SPICE1: variants seen among roughly 807,000 people sequenced by gnomAD.
SPICE1 encodes spindle and centriole associated protein 1.
Under a neutral mutation model 102.7 loss-of-function variants are expected in SPICE1, and 75 were observed. The observed-to-expected ratio is 0.73, with a 90% CI of 0.61 to 0.88. The LOEUF (loss-of-function observed/expected upper bound fraction) is 0.88, where lower values mean the gene tolerates loss of function less well. SPICE1 is among the 40% of genes least tolerant of loss of function. SPICE1 has a pLI of 0.00. For missense variants in SPICE1, 979 were observed against 1,020.1 expected (o/e 0.96, Z 0.55); for synonymous variants, 308 against 350.3 (o/e 0.88, Z 1.35).
chr3:113,453,621 T>G lies in SPICE1; in HGVS notation c.1987A>C (p.Ile663Leu). 1 of 1,614,210 alleles carries G rather than the reference T, an allele frequency of 6.2e-7. No individual in the cohort carries two copies. Among genetic ancestry groups the G allele is most frequent in the South Asian group, 1.1e-5 (1 of 91,082 alleles). ...GQQLRTNESL[I>L]QRKDIMTRIA... ...CGTGTCATTATGTCCTTTCTTTGTA[T>G]TAATGACTCATTTGTTCTCAGCTGC... The change falls in exon 14 of 18, where the codon ATA (isoleucine) becomes CTA (leucine). Residue 663 changes from isoleucine (I) to leucine (L), a missense_variant. Ile to Leu is a conservative substitution (Grantham distance 5, BLOSUM62 2). Transcript: ENST00000295872.
chr3:113,467,289 CTTT>C (rs1304628534), intron 10 of SPICE1, among the ~76,000 whole-genome samples: 3 of 151,978 alleles, frequency 2.0e-5, no homozygotes, highest in African/African-American at 7.2e-5. Flanking sequence ...ACAAACAATT[CTTT>C]TTTTATTTTT....
intron 11 of SPICE1, 113 bp downstream of exon 11, chr3:113,465,540 T>C: frequency 1.2e-6 from 1 of 845,626 alleles, no homozygotes; most frequent in South Asian, 2.0e-5. Context: ...AAATGACTGA[T>C]AAGTAATCAC....
chr3:113,451,603 G>A (rs1384516362), intron 14 of SPICE1, among the ~76,000 whole-genome samples: 2 of 152,132 alleles, frequency 1.3e-5, no homozygotes, highest in Non-Finnish European at 1.5e-5. Context: ...ATTAGAAAAG[G>A]AGGCAAGCAA....
chr3:113,485,448 T>C (rs1429899800), intron 7 of SPICE1, among the ~76,000 whole-genome samples: 1 of 152,114 alleles, frequency 6.6e-6, no homozygotes, highest in Non-Finnish European at 1.5e-5. Flanking sequence ...ACACTCACAG[T>C]GTAAACAAAG....
At position 113,474,771 on chromosome 3, in the gene SPICE1, T is replaced by G. The variant is rs1375694703; in HGVS notation, c.612-5533A>C. On this transcript the variant is annotated intron_variant, in intron 7 of 17. Transcript: ENST00000295872. ...CAAAGACACAACATACCAGAATCTC[T>G]GGGACACACTCAAAGCAGTGTGTAG... Among the ~76,000 whole-genome samples the G allele has an allele frequency of 8.6e-5, 13 of 152,000 alleles. No individual in the cohort carries two copies. The East Asian group carries it at 2.5e-3, about 29-fold the overall frequency.
Position 113,468,750 on chromosome 3 carries a change from A to C in SPICE1, c.889+12T>G. 2.5e-6 allele frequency: 4 copies of C among 1,604,348 alleles called. No homozygotes were observed. The highest frequency in any genetic ancestry group is 3.4e-6 in the Non-Finnish European group (4 of 1,177,434). On this transcript the variant is annotated intron_variant, in intron 9 of 17. Transcript: ENST00000295872. ...TGTTTAATATTCATCTTTGTAAATT[A>C]AGGGACTGAACCTTTATTTAACAGC...
chr3:113,459,790 G>A, intron 12 of SPICE1: 2 of 837,614 alleles, frequency 2.4e-6, no homozygotes, highest in Non-Finnish European at 2.9e-6. Context: ...GCTGAGGCAG[G>A]AGAATCGCTT....
At chr3:113,472,520 A>C (rs1181459413) in intron 7 of SPICE1, among the ~76,000 whole-genome samples, 1 of 152,204 alleles carries the variant, frequency 6.6e-6, no homozygotes, top group African/African-American at 2.4e-5. Flanking sequence ...GAGCAGCCTA[A>C]CTAGGAGGCA....
chr3:113,474,644 C>T (rs866730459), intron 7 of SPICE1, among the ~76,000 whole-genome samples: 4 of 152,152 alleles, frequency 2.6e-5, no homozygotes, highest in African/African-American at 9.7e-5. Flanking sequence ...TCACTCAAAA[C>T]CGCTCAACTA....
chr3:113,467,720 C>T (rs938883624), intron 10 of SPICE1, among the ~76,000 whole-genome samples: 3 of 152,216 alleles, frequency 2.0e-5, no homozygotes, highest in Non-Finnish European at 4.4e-5. Flanking sequence ...AATTCTCCCA[C>T]ATATCAAGTC....
chr3:113,496,540 A>G (rs1281751211), intron 4 of SPICE1, among the ~76,000 whole-genome samples: 1 of 152,196 alleles, frequency 6.6e-6, no homozygotes, highest in Non-Finnish European at 1.5e-5. Flanking sequence ...TTGGGGATTT[A>G]TAAGATCTTT....
At chr3:113,456,477 G>T (rs1469141238) in intron 13 of SPICE1, among the ~76,000 whole-genome samples, 1 of 152,030 alleles carries the variant, frequency 6.6e-6, no homozygotes, top group African/African-American at 2.4e-5. Context: ...TGTACATGGG[G>T]ACAAATAAAT....
chr3:113,506,540 C>T lies in SPICE1; in HGVS notation c.66G>A (p.Lys22=), dbSNP rs773409622. 6.2e-7 allele frequency: 1 copy of T among 1,613,576 alleles called. No homozygotes were observed. Among genetic ancestry groups the T allele is most frequent in the East Asian group, 2.2e-5 (1 of 44,874 alleles). ...RVGVRKTPKV[K]KKKTSVKQEW... ...CTTGTTTCACTGAAGTTTTCTTCTT[C>T]TTTACTTTCGGTGTCTTTCTTACAC... The change falls in exon 2 of 18, where the codon AAG becomes AAA. Residue 22 remains lysine (K), a synonymous_variant. Coordinates refer to ENST00000295872, the MANE Select transcript of SPICE1 (RefSeq NM_144718.4).
chr3:113,492,097 A>T (rs1439734936), intron 6 of SPICE1, among the ~76,000 whole-genome samples: 3 of 152,238 alleles, frequency 2.0e-5, no homozygotes, highest in Non-Finnish European at 4.4e-5. Flanking sequence ...GCAATAAGAT[A>T]TTCTAGGGTG....
chr3:113,472,917 C>A (rs556623188), intron 7 of SPICE1, among the ~76,000 whole-genome samples: 9 of 152,130 alleles, frequency 5.9e-5, no homozygotes, highest in Non-Finnish European at 1.2e-4. Context: ...TCACTACCAA[C>A]GGAACAAAGC....
Position 113,454,122 on chromosome 3 carries a change from G to A in SPICE1, c.1658-172C>T, listed in dbSNP as rs369045123. 1.2e-3 allele frequency among the ~76,000 whole-genome samples: 186 copies of A among 152,186 alleles called. 3 individuals carry two copies. The South Asian group carries it at 0.027, about 22-fold the overall frequency. On this transcript the variant is annotated intron_variant, in intron 13 of 17. Transcript: ENST00000295872. ...GAACACACCAGCAATGCCGCCCCTC[G>A]TAATCAAGTACAGAGACTTTTTACA...
At chr3:113,458,266 G>A (rs900974986) in intron 12 of SPICE1, among the ~76,000 whole-genome samples, 6 of 151,914 alleles carry the variant, frequency 3.9e-5, no homozygotes, top group African/African-American at 1.2e-4. Context: ...ATGCCCAGCC[G>A]AGGCTGGACT....
chr3:113,488,853 C>T, intron 7 of SPICE1, 92 bp downstream of exon 7: 1 of 702,970 alleles, frequency 1.4e-6, no homozygotes, highest in Non-Finnish European at 2.4e-6. Flanking sequence ...AAAATAAACT[C>T]CCATTTAATA....
At chr3:113,508,953 C>T (rs934472643) in intron 1 of SPICE1, among the ~76,000 whole-genome samples, 2 of 152,134 alleles carry the variant, frequency 1.3e-5, no homozygotes, top group African/African-American at 2.4e-5. Context: ...ATACATGCTA[C>T]AACATGAATG....
Sources: allele counts gnomAD v4.1 joint callset (sites outside exome capture counted in the v4.1 genomes callset), GRCh38; gene constraint gnomAD v4.1.1; transcripts MANE v1.5; gene names NCBI Gene and HGNC (gene_info 2026-07-23, HGNC 2026-07-21).